Variants in RPH3A observed in about 807,000 individuals in gnomAD.
RPH3A encodes the protein rabphilin 3A.
In RPH3A, 48 loss-of-function variants were observed where a neutral mutation model predicts 102.2. The ratio of observed to expected loss-of-function variants is 0.47; its 90% CI spans 0.37 to 0.60. The LOEUF is 0.60. RPH3A is among the 20% of genes least tolerant of loss of function. RPH3A has a pLI of 0.00. For synonymous variants in RPH3A, 310 were observed against 324.3 expected (o/e 0.96, Z 0.47); for missense variants, 781 against 910.1 (o/e 0.86, Z 1.83).
chr12:112,841,391 T>C (rs905029031), intron 4 of RPH3A, among the ~76,000 whole-genome samples: 2 of 152,032 alleles, frequency 1.3e-5, no homozygotes, highest in Admixed American at 1.3e-4. Flanking sequence ...AAGGGCAGGA[T>C]AGCATGGTGA....
chr12:112,782,345 G>A (rs530034966), intron 1 of RPH3A, among the ~76,000 whole-genome samples: 7 of 152,234 alleles, frequency 4.6e-5, no homozygotes, highest in Non-Finnish European at 8.8e-5. Flanking sequence ...CTTAGCTGAA[G>A]TCTTGGGAAT....
At chr12:112,634,019 G>A (rs2039826790) in intron 1 of RPH3A, among the ~76,000 whole-genome samples, 1 of 152,198 alleles carries the variant, frequency 6.6e-6, no homozygotes, top group Non-Finnish European at 1.5e-5. Context: ...ATTCTCAGGG[G>A]TGACAGTGAT....
At chr12:112,832,156 T>C (rs2041980831) in intron 3 of RPH3A, among the ~76,000 whole-genome samples, 2 of 152,204 alleles carry the variant, frequency 1.3e-5, no homozygotes, top group South Asian at 4.1e-4. Context: ...GTCTGTTCTC[T>C]CCTTCGTATT....
Position 112,889,949 on chromosome 12 carries a change from G to T in RPH3A, c.1564-75G>T, listed in dbSNP as rs1049775013. ...TCTGGATGGTAATGGAAGTATGAGG[G>T]GTTTCTGGTCCTTCTTGCGCAGGAA... is the stretch of plus-strand genomic sequence containing the variant. On this transcript the variant is annotated intron_variant, in intron 17 of 21. Coordinates refer to ENST00000389385, the MANE Select transcript of RPH3A (RefSeq NM_001143854.2). 8.3e-6 allele frequency: 11 copies of T among 1,332,376 alleles called. No homozygotes were observed. The Admixed American group carries it at 1.7e-4, about 20-fold the overall frequency. The allele number at this position is 1,332,376 out of a possible 1,614,324, so 82.5% of individuals were successfully genotyped here.
chr12:112,855,232 C>T (rs958237328), intron 5 of RPH3A, among the ~76,000 whole-genome samples: 2 of 152,192 alleles, frequency 1.3e-5, no homozygotes, highest in African/African-American at 4.8e-5. Flanking sequence ...GCCTTGGTTT[C>T]CCCATCTGTA....
At chr12:112,583,420 G>A (rs769184270) in intron 1 of RPH3A, among the ~76,000 whole-genome samples, 59 of 152,096 alleles carry the variant, frequency 3.9e-4, no homozygotes, top group Non-Finnish European at 4.4e-4. Flanking sequence ...TTATCCAAGA[G>A]TTTGACCTCT....
chr12:112,700,031 A>G lies in RPH3A; in HGVS notation c.-139-92112A>G, dbSNP rs572841492. Among the ~76,000 whole-genome samples the G allele has an allele frequency of 2.2e-3, 341 of 152,262 alleles. 2 individuals carry two copies. Among genetic ancestry groups the G allele is most frequent in the Non-Finnish European group, 3.7e-3 (249 of 68,002 alleles). On this transcript the variant is annotated intron_variant, in intron 1 of 21. Coordinates refer to the RPH3A transcript ENST00000543106. ...TTTTTTTTACATTTCCAAGGAGAACAAGCCACTGACTTAAAGGAATAAATC... is the reference window on the plus strand; with the variant it reads ...TTTTTTTTACATTTCCAAGGAGAACGAGCCACTGACTTAAAGGAATAAATC...
At chr12:112,875,539 G>A (rs1593114757) in intron 11 of RPH3A, 140 bp from the exon 12 acceptor site, 1 of 686,538 alleles carries the variant, frequency 1.5e-6, no homozygotes, top group East Asian at 2.8e-5. Flanking sequence ...TCCTCTCCCA[G>A]TGGGACTGTT....
chr12:112,648,484 C>T (rs896552235), intron 1 of RPH3A, among the ~76,000 whole-genome samples: 1 of 145,548 alleles, frequency 6.9e-6, no homozygotes, highest in African/African-American at 2.5e-5. Flanking sequence ...CCGGGAATCC[C>T]AGCACTTTGG....
intron 1 of RPH3A, among the ~76,000 whole-genome samples, chr12:112,739,652 T>C (rs2040694333): frequency 6.6e-6 from 1 of 152,366 alleles, no homozygotes; most frequent in Non-Finnish European, 1.5e-5. Context: ...GCTAAGGCAC[T>C]TACCAGCCGT....
chr12:112,824,334 T>C (rs2041831245), intron 2 of RPH3A, among the ~76,000 whole-genome samples: 1 of 152,176 alleles, frequency 6.6e-6, no homozygotes, highest in African/African-American at 2.4e-5. Context: ...GCAGCTCCTG[T>C]TGGATGAGGG....
At chr12:112,883,467 C>G in intron 16 of RPH3A, 65 bp downstream of exon 16, 2 of 1,198,010 alleles carry the variant, frequency 1.7e-6, no homozygotes, top group Non-Finnish European at 2.5e-6. Flanking sequence ...GGAACTGAGA[C>G]TTGGGGTGAG....
In RPH3A at chr12:112,594,204, G is replaced by A. The variant is rs1267862283; in HGVS notation, c.-140+18885G>A. Among the ~76,000 whole-genome samples the A allele has an allele frequency of 4.6e-5, 7 of 152,118 alleles. 1 individual carries two copies. The highest frequency in any genetic ancestry group is 3.9e-4 in the Admixed American group (6 of 15,260). On this transcript the variant is annotated intron_variant, in intron 1 of 21. Transcript: ENST00000543106. ...ACAAAAAGGGTGCTTGATTAAATTT[G>A]TTCTTTTTGGCTCTAGCATTCCACA... is the stretch of plus-strand genomic sequence containing the variant.
chr12:112,778,096 G>A (rs1472670726), intron 1 of RPH3A, among the ~76,000 whole-genome samples: 1 of 152,256 alleles, frequency 6.6e-6, no homozygotes, highest in East Asian at 1.9e-4. Flanking sequence ...TAAAAGAAGG[G>A]AAACACCTTC....
intron 1 of RPH3A, among the ~76,000 whole-genome samples, chr12:112,702,476 A>G (rs1434595831): frequency 6.6e-6 from 1 of 152,344 alleles, no homozygotes; most frequent in South Asian, 2.1e-4. Context: ...AGGCAGGTAC[A>G]ATGGCCTGCC....
chr12:112,617,577 G>T (rs2039690334), intron 1 of RPH3A: 1 of 152,232 alleles, frequency 6.6e-6, no homozygotes, highest in African/African-American at 2.4e-5. Flanking sequence ...TCCCAGAACA[G>T]TGAATTCTCC....
At chr12:112,861,534 A>T (rs1359744566) in intron 5 of RPH3A, among the ~76,000 whole-genome samples, 1 of 152,248 alleles carries the variant, frequency 6.6e-6, no homozygotes, top group Non-Finnish European at 1.5e-5. Flanking sequence ...TGTGCACAGC[A>T]GCATGGTGTA....
Position 112,694,644 on chromosome 12 carries a change from GCACACGCACA to G in RPH3A, c.-139-97493_-139-97484del, listed in dbSNP as rs758668263. On this transcript the variant is annotated intron_variant, in intron 1 of 21. Transcript: ENST00000543106. ...CAAAGACACACGCACGCGCGCGCGC[GCACACGCACA>G]CACACACACACACACACACACACAC... Among the ~76,000 whole-genome samples, 794 of 126,984 alleles carry G rather than the reference GCACACGCACA, an allele frequency of 6.3e-3. 8 individuals carry two copies. The highest frequency in any genetic ancestry group is 0.019 in the African/African-American group (686 of 35,224). The allele number at this position is 126,984 out of a possible 152,430, so 83.3% of individuals were successfully genotyped here. A position where few individuals can be genotyped will look rare whatever the true frequency, so the allele number is the denominator to read the frequency against.
Position 112,836,475 on chromosome 12 carries a change from C to T in RPH3A, c.72-16C>T. 1 of 1,327,584 alleles carries T rather than the reference C, an allele frequency of 7.5e-7. No individual in the cohort carries two copies. Among genetic ancestry groups the T allele is most frequent in the Non-Finnish European group, 1.0e-6 (1 of 962,932 alleles). The allele number at this position is 1,327,584 out of a possible 1,614,324, so 82.2% of individuals were successfully genotyped here. On this transcript the variant is annotated splice_polypyrimidine_tract_variant and intron_variant, in intron 3 of 21. Transcript: ENST00000389385. ...TATTCATTTTTTCTTTCTCTCCTTT[C>T]TCTGCCTTCCTTCAGTGATAAAGAA...
Sources: gnomAD v4.1 joint callset for allele counts (sites outside exome capture counted in the v4.1 genomes callset) on GRCh38, gnomAD v4.1.1 for gene constraint, MANE v1.5 for transcripts, NCBI Gene and HGNC (gene_info 2026-07-23, HGNC 2026-07-21) for gene names.